Variants in EXOC6B observed in about 807,000 individuals in gnomAD.
EXOC6B encodes the protein SEC15 homolog B.
In EXOC6B, 54 loss-of-function variants were observed where a neutral mutation model predicts 113.5. That is an observed-to-expected ratio of 0.48 (90% CI 0.38 to 0.60). The LOEUF (loss-of-function observed/expected upper bound fraction) is 0.60, where lower values mean the gene tolerates loss of function less well. Among genes scored for constraint, EXOC6B ranks in the 20% least tolerant of loss-of-function variants. EXOC6B has a pLI of 0.00. For synonymous variants in EXOC6B, 357 were observed against 339.0 expected (o/e 1.05, Z -0.58); for missense variants, 797 against 977.5 (o/e 0.82, Z 2.46).
intron 6 of EXOC6B, among the ~76,000 whole-genome samples, chr2:72,659,868 T>C (rs964496632): frequency 1.3e-5 from 2 of 152,150 alleles, no homozygotes; most frequent in Non-Finnish European, 2.9e-5. Context: ...TTTTTATGTT[T>C]GATTCACATT....
chr2:72,340,309 A>C (rs1319899603), intron 19 of EXOC6B, among the ~76,000 whole-genome samples: 1 of 152,184 alleles, frequency 6.6e-6, no homozygotes, highest in East Asian at 1.9e-4. Context: ...GTCTGTGAGA[A>C]AAAATATAAA....
chr2:72,473,036 G>A (rs907449749), intron 17 of EXOC6B, among the ~76,000 whole-genome samples: 14 of 152,014 alleles, frequency 9.2e-5, no homozygotes, highest in African/African-American at 3.4e-4. Context: ...TGTGATCTGG[G>A]AATATACTTG....
At chr2:72,797,013 G>A (rs1378136016) in intron 1 of EXOC6B, among the ~76,000 whole-genome samples, 2 of 152,200 alleles carry the variant, frequency 1.3e-5, no homozygotes, top group Non-Finnish European at 2.9e-5. Flanking sequence ...AGAAGGGGAG[G>A]CACAGAGTAA....
At chr2:72,505,040 G>T (rs1395260150) in intron 11 of EXOC6B, among the ~76,000 whole-genome samples, 1 of 151,818 alleles carries the variant, frequency 6.6e-6, no homozygotes, top group African/African-American at 2.4e-5. Context: ...TTCACTAAGT[G>T]GCATATTTTC....
intron 19 of EXOC6B, among the ~76,000 whole-genome samples, chr2:72,352,359 C>T (rs1689701994): frequency 6.6e-6 from 1 of 152,148 alleles, no homozygotes; most frequent in South Asian, 2.1e-4. Flanking sequence ...AAAGCCTATA[C>T]ATTGACTTAC....
At chr2:72,442,819 A>G (rs1696289794) in intron 18 of EXOC6B, among the ~76,000 whole-genome samples, 1 of 152,164 alleles carries the variant, frequency 6.6e-6, no homozygotes, top group East Asian at 1.9e-4. Flanking sequence ...CTGCCCAAAG[A>G]AATTCATAAA....
At chr2:72,360,274 G>C (rs1345352089) in intron 19 of EXOC6B, among the ~76,000 whole-genome samples, 2 of 151,834 alleles carry the variant, frequency 1.3e-5, no homozygotes, top group Admixed American at 6.6e-5. Context: ...TTTTGGTAGA[G>C]ACAGGGTCTC....
chr2:72,558,567 C>T (rs1024386707), intron 8 of EXOC6B, among the ~76,000 whole-genome samples: 1 of 152,098 alleles, frequency 6.6e-6, no homozygotes, highest in African/African-American at 2.4e-5. Flanking sequence ...GTCAGGAGTT[C>T]AAGACCAGCC....
At chr2:72,486,692 G>A (rs1279565245) in intron 16 of EXOC6B, among the ~76,000 whole-genome samples, 1 of 152,114 alleles carries the variant, frequency 6.6e-6, no homozygotes, top group Non-Finnish European at 1.5e-5. Flanking sequence ...TACCAGAGGT[G>A]AACTTGACAC....
At position 72,499,146 on chromosome 2, in the gene EXOC6B, A is replaced by T. The variant is rs183145761; in HGVS notation, c.1240-595T>A. On this transcript the variant is annotated intron_variant, in intron 12 of 21. Transcript: ENST00000272427. Reference sequence around the variant, plus strand: ...CTCAGGGTAAAGTTCAGGAAATGCTATAAAAGAGATAAAAAGACCTAGTTC... The same window carrying T: ...CTCAGGGTAAAGTTCAGGAAATGCTTTAAAAGAGATAAAAAGACCTAGTTC... Among the ~76,000 whole-genome samples the T allele has an allele frequency of 2.8e-3, 420 of 152,246 alleles. 1 individual carries two copies. Among genetic ancestry groups the T allele is most frequent in the South Asian group, 6.6e-3 (32 of 4,832 alleles).
intron 6 of EXOC6B, among the ~76,000 whole-genome samples, chr2:72,688,706 A>G (rs1263536310): frequency 6.6e-6 from 1 of 152,232 alleles, no homozygotes; most frequent in Non-Finnish European, 1.5e-5. Context: ...AGGCATTAAC[A>G]GCATCTGCTA....
intron 20 of EXOC6B, among the ~76,000 whole-genome samples, chr2:72,236,807 G>T (rs766179786): frequency 6.6e-6 from 1 of 152,002 alleles, no homozygotes; most frequent in Non-Finnish European, 1.5e-5. Context: ...GGGGACCATG[G>T]GCAGTCTTAG....
intron 6 of EXOC6B, among the ~76,000 whole-genome samples, chr2:72,715,918 A>C (rs11891034): frequency 6.6e-6 from 1 of 152,062 alleles, no homozygotes; most frequent in Non-Finnish European, 1.5e-5. Context: ...TTGCCCCCTA[A>C]GGAAGGAGTG....
chr2:72,814,516 T>G (rs892182777), intron 1 of EXOC6B, among the ~76,000 whole-genome samples: 3 of 152,230 alleles, frequency 2.0e-5, no homozygotes, highest in Non-Finnish European at 4.4e-5. Flanking sequence ...TTATCATAAA[T>G]CAAATTAAGG....
chr2:72,222,011 T>C (rs909768445), intron 20 of EXOC6B, among the ~76,000 whole-genome samples: 5 of 151,952 alleles, frequency 3.3e-5, no homozygotes, highest in African/African-American at 4.8e-5. Flanking sequence ...AAGGAAAAGG[T>C]GAAAGATGAC....
chr2:72,193,371 C>CTCTGTGAT (rs1357766358), intron 20 of EXOC6B, among the ~76,000 whole-genome samples: 1 of 152,166 alleles, frequency 6.6e-6, no homozygotes, highest in Non-Finnish European at 1.5e-5. Context: ...GGTGCTGGGC[C>CTCTGTGAT]TCTGTGATTC....
chr2:72,327,303 C>A (rs1048829892), intron 20 of EXOC6B, among the ~76,000 whole-genome samples: 29 of 151,976 alleles, frequency 1.9e-4, no homozygotes, highest in African/African-American at 7.0e-4. Context: ...AGCCCTTCCA[C>A]CTTCCCTTCA....
Position 72,671,895 on chromosome 2 carries a change from AAGAAAG to A in EXOC6B, c.669+46202_669+46207del, listed in dbSNP as rs1173284886. 2.0e-5 allele frequency among the ~76,000 whole-genome samples: 3 copies of A among 151,740 alleles called. No individual in the cohort carries two copies. The East Asian group carries it at 5.8e-4, about 29-fold the overall frequency. ...AGGAATGAAGGAAGGAAGGAAGGAA[AAGAAAG>A]AGAAAGAAAGAAAGAAAAGAAAGAA... is the stretch of plus-strand genomic sequence containing the variant. On this transcript the variant is annotated intron_variant, in intron 6 of 21. Transcript: ENST00000272427.
chr2:72,732,401 A>G (rs1573707792), intron 3 of EXOC6B, among the ~76,000 whole-genome samples: 1 of 151,980 alleles, frequency 6.6e-6, no homozygotes, highest in East Asian at 1.9e-4. Context: ...GCCTCAAGTG[A>G]TCCTCCCACC....
Sources: gnomAD v4.1 joint callset for allele counts (sites outside exome capture counted in the v4.1 genomes callset) on GRCh38, gnomAD v4.1.1 for gene constraint, MANE v1.5 for transcripts, NCBI Gene and HGNC (gene_info 2026-07-23, HGNC 2026-07-21) for gene names.